NECTIN1: variants seen among roughly 807,000 people sequenced by gnomAD.
The protein encoded by NECTIN1 is nectin-1.
In NECTIN1, 23 loss-of-function variants were observed where a neutral mutation model predicts 48.0. The ratio of observed to expected loss-of-function variants is 0.48; its 90% CI spans 0.34 to 0.68. The LOEUF is 0.68. Among genes scored for constraint, NECTIN1 ranks in the 30% least tolerant of loss-of-function variants. The pLI, the probability that NECTIN1 is intolerant of heterozygous loss-of-function variation, is 0.01. For missense variants in NECTIN1, 591 were observed against 709.9 expected (o/e 0.83, Z 1.90); for synonymous variants, 270 against 288.9 (o/e 0.93, Z 0.66).
At chr11:119,716,591 A>T (rs1431934723) in intron 1 of NECTIN1, among the ~76,000 whole-genome samples, 2 of 152,212 alleles carry the variant, frequency 1.3e-5, no homozygotes, top group East Asian at 1.9e-4. Context: ...TCTTGGGGAA[A>T]AATAGTCAAA....
chr11:119,699,596 T>C (rs1360165028), intron 1 of NECTIN1, among the ~76,000 whole-genome samples: 1 of 152,118 alleles, frequency 6.6e-6, no homozygotes, highest in Non-Finnish European at 1.5e-5. Context: ...GGAGGGCCCG[T>C]TCCATCTATG....
At chr11:119,671,002 C>T (rs1436939447) in intron 5 of NECTIN1, among the ~76,000 whole-genome samples, 1 of 151,878 alleles carries the variant, frequency 6.6e-6, no homozygotes, top group East Asian at 1.9e-4. Context: ...GACCAAAGAA[C>T]CCCGGTTATT....
intron 1 of NECTIN1, among the ~76,000 whole-genome samples, chr11:119,719,421 G>A (rs1374531441): frequency 6.6e-6 from 1 of 152,198 alleles, no homozygotes; most frequent in East Asian, 1.9e-4. Context: ...CATGGGGCCT[G>A]ACTTCTGGAA....
rs574961662 is a variant in NECTIN1 at position 119,661,382 on chromosome 11, C to T, written c.*3365G>A. The T allele has an allele frequency of 4.6e-5, 45 of 986,406 alleles. No homozygotes were observed. The East Asian group carries it at 4.8e-3, about 104-fold the overall frequency. The allele number at this position is 986,406 out of a possible 1,614,324, so 61.1% of individuals were successfully genotyped here. On this transcript the variant is annotated 3_prime_UTR_variant, in exon 6 of 6. Transcript: ENST00000264025. ...GCAGTGGCAGCAGCAGAGGGGCCTG[C>T]CTCCTGGCATCCCCGGTACTGGGCA...
chr11:119,703,333 C>A (rs1271745165), intron 1 of NECTIN1, among the ~76,000 whole-genome samples: 1 of 152,220 alleles, frequency 6.6e-6, no homozygotes, highest in Non-Finnish European at 1.5e-5. Flanking sequence ...GGCCTTCATG[C>A]TGGCACCAAC....
intron 5 of NECTIN1, chr11:119,640,349 G>T (rs1864306066): frequency 2.7e-6 from 1 of 369,678 alleles, no homozygotes; most frequent in East Asian, 5.8e-5. Context: ...GGCCCTGCAG[G>T]GAAGATTCCT....
intron 1 of NECTIN1, among the ~76,000 whole-genome samples, chr11:119,696,493 A>T (rs931437300): frequency 3.9e-5 from 6 of 152,144 alleles, no homozygotes; most frequent in Non-Finnish European, 5.9e-5. Context: ...AATCCTCCCC[A>T]GCTGCCCCAC....
chr11:119,657,760 T>TAAC (rs1187164662), downstream of NECTIN1, among the ~76,000 whole-genome samples: 5 of 142,382 alleles, frequency 3.5e-5, no homozygotes, highest in Admixed American at 7.1e-5. Context: ...ATAATAATAA[T>TAAC]AATAATAATA....
intron 5 of NECTIN1, among the ~76,000 whole-genome samples, chr11:119,655,955 T>C (rs1334524799): frequency 6.6e-6 from 1 of 152,178 alleles, no homozygotes; most frequent in Non-Finnish European, 1.5e-5. Flanking sequence ...TGGGGTGCAA[T>C]GGTACAATTA....
chr11:119,638,903 C>T, intron 6 of NECTIN1: 1 of 1,138,376 alleles, frequency 8.8e-7, no homozygotes, highest in Non-Finnish European at 1.3e-6. Flanking sequence ...GCCCCACTCA[C>T]AAGAGCAGGC....
At position 119,672,580 on chromosome 11, in the gene NECTIN1, C is replaced by T. The variant is rs1864876332; in HGVS notation, c.1003+2579G>A. The stretch of plus-strand genomic sequence containing the variant: ...ACTAGGGACTCACTCATGGTGGCAG[C>T]TCCTAACGGGTGTGCCGGTGCCATC... On this transcript the variant is annotated intron_variant, in intron 5 of 5. Transcript: ENST00000264025. This position sits in a 1 kb window ranked among gnomAD's most constrained non-coding sequence, Gnocchi z 4.3. 6.6e-6 allele frequency among the ~76,000 whole-genome samples: 1 copy of T among 152,200 alleles called. No individual in the cohort carries two copies. The highest frequency in any genetic ancestry group is 6.5e-5 in the Admixed American group (1 of 15,282).
chr11:119,710,554 T>C (rs1362403439), intron 1 of NECTIN1, among the ~76,000 whole-genome samples: 2 of 152,054 alleles, frequency 1.3e-5, no homozygotes, highest in African/African-American at 4.8e-5. Context: ...GAAGAAATGA[T>C]GAATGTGGGG....
intron 5 of NECTIN1, chr11:119,640,081 TGA>T (rs1474858551): frequency 3.2e-5 from 47 of 1,475,264 alleles, no homozygotes; most frequent in Admixed American, 2.3e-4. Flanking sequence ...GTCAGAGATG[TGA>T]GAGAGTCAGA....
Position 119,661,938 on chromosome 11 carries a change from G to A in NECTIN1, c.*2809C>T. ...GGGTCTGAGGTGGTCGCACTTGCAG[G>A]CCTGTGTTCACCTACTCTGTGCTGC... On this transcript the variant is annotated 3_prime_UTR_variant, in exon 6 of 6. Transcript: ENST00000264025. The A allele has an allele frequency of 1.0e-6, 1 of 985,406 alleles. No individual in the cohort carries two copies. The highest frequency in any genetic ancestry group is 1.2e-6 in the Non-Finnish European group (1 of 829,942). The allele number at this position is 985,406 out of a possible 1,614,324, so 61.0% of individuals were successfully genotyped here. A position where few individuals can be genotyped will look rare whatever the true frequency, so the allele number is the denominator to read the frequency against.
At chr11:119,714,933 G>A (rs1279289553) in intron 1 of NECTIN1, among the ~76,000 whole-genome samples, 1 of 152,138 alleles carries the variant, frequency 6.6e-6, no homozygotes, top group Non-Finnish European at 1.5e-5. Flanking sequence ...ACCTGAGATG[G>A]TGAGGTGTGT....
At chr11:119,691,612 G>T (rs1223054775) in intron 1 of NECTIN1, among the ~76,000 whole-genome samples, 3 of 152,242 alleles carry the variant, frequency 2.0e-5, no homozygotes, top group Admixed American at 2.0e-4. Context: ...GCTGAAAGGG[G>T]CGGTGGGAAG....
chr11:119,660,652 G>C (rs990324958), downstream of NECTIN1, among the ~76,000 whole-genome samples: 2 of 152,138 alleles, frequency 1.3e-5, no homozygotes, highest in Non-Finnish European at 2.9e-5. Flanking sequence ...ACCCCTAGGA[G>C]GGCACCAGCC....
intron 1 of NECTIN1, among the ~76,000 whole-genome samples, chr11:119,696,657 T>C (rs1488229428): frequency 6.6e-6 from 1 of 151,996 alleles, no homozygotes; most frequent in African/African-American, 2.4e-5. Context: ...GTCTGTCCCA[T>C]TTCTGAGGAC....
rs74869270 is a variant in NECTIN1 at position 119,684,745 on chromosome 11, G to A, written c.80-5980C>T. On this transcript the variant is annotated intron_variant, in intron 1 of 5. Transcript: ENST00000264025. This position sits in a 1 kb window ranked among gnomAD's most constrained non-coding sequence, Gnocchi z 5.2. Reference sequence around the variant, plus strand: ...CAAGGCCAGCTCCGCCTGGGAGAGAGGCCGGTGTGGAGGAGCGTGCAATCA... The same window carrying A: ...CAAGGCCAGCTCCGCCTGGGAGAGAAGCCGGTGTGGAGGAGCGTGCAATCA... 3.7e-3 allele frequency among the ~76,000 whole-genome samples: 566 copies of A among 152,334 alleles called. 5 individuals are homozygous for A. The East Asian group carries it at 0.048, about 13-fold the overall frequency.
Sources: allele counts gnomAD v4.1 joint callset (sites outside exome capture counted in the v4.1 genomes callset), GRCh38; gene constraint gnomAD v4.1.1; non-coding constraint Gnocchi (gnomAD v3.1); transcripts MANE v1.5; gene names NCBI Gene and HGNC (gene_info 2026-07-23, HGNC 2026-07-21).